The following UNC80 variants were observed in gnomAD, a reference collection of about 807,000 sequenced individuals.
UNC80 encodes unc-80 subunit of NALCN channel complex.
A neutral mutation model predicts 384.6 loss-of-function variants in UNC80; 164 were observed. The observed-to-expected ratio is 0.43, with a 90% confidence interval of 0.38 to 0.49. UNC80 has a LOEUF of 0.49. UNC80 is among the 20% of genes least tolerant of loss of function. The probability of loss-of-function intolerance (pLI) is 0.00; values close to 1 mark genes in which losing one functional copy is unlikely to be tolerated. For synonymous variants in UNC80, 1,486 were observed against 1,527.8 expected (o/e 0.97, Z 0.64); for missense variants, 3,330 against 4,143.0 (o/e 0.80, Z 5.39).
At chr2:209,989,315 A>G (rs568498146) in intron 61 of UNC80, among the ~76,000 whole-genome samples, 1 of 140,548 alleles carries the variant, frequency 7.1e-6, no homozygotes, top group African/African-American at 2.6e-5. Context: ...ACAGAGCAAG[A>G]CTCTGTCTCA....
chr2:209,844,779 A>C (rs2082058438), intron 21 of UNC80, among the ~76,000 whole-genome samples: 1 of 148,124 alleles, frequency 6.8e-6, no homozygotes, highest in South Asian at 2.4e-4. Flanking sequence ...TTTTTTGTAG[A>C]GATGGGGGTG....
chr2:209,945,924 G>C lies in UNC80; in HGVS notation c.7267G>C (p.Ala2423Pro). The C allele has an allele frequency of 6.4e-7, 1 of 1,551,550 alleles. No individual in the cohort carries two copies. Among genetic ancestry groups the C allele is most frequent in the Non-Finnish European group, 8.7e-7 (1 of 1,146,640 alleles). The change falls in exon 47 of 65, where the codon GCT (alanine) becomes CCT (proline). Residue 2423 changes from alanine to proline, a missense_variant. Physicochemically the swap from Ala to Pro is conservative, Grantham distance 27. Transcript: ENST00000673920. The stretch of plus-strand genomic sequence containing the variant: ...GCTCTGTGTCACTGTGGTGGCGTAT[G>C]CTCCCGAATCATTCAGAAGGTATCT... Reference protein sequence around the residue: ...IKLCVTVVAYAPESFRSLQML... With the variant: ...IKLCVTVVAYPPESFRSLQML...
intron 28 of UNC80, among the ~76,000 whole-genome samples, chr2:209,897,523 C>G (rs1010620623): frequency 3.3e-5 from 5 of 152,114 alleles, no homozygotes; most frequent in Non-Finnish European, 7.4e-5. Context: ...CTGGTCTACT[C>G]TTGGCTAGAC....
chr2:209,839,803 CAAT>C lies in UNC80; in HGVS notation c.3250+374_3250+376del, dbSNP rs1343212603. On this transcript the variant is annotated intron_variant, in intron 19 of 64. Coordinates refer to ENST00000673920, the MANE Select transcript of UNC80 (RefSeq NM_001371986.1). This position sits in a 1 kb window ranked among gnomAD's most constrained non-coding sequence, Gnocchi z 4.1. ...TACATAGTTCTACGAAAGCATGCAACAATGAGACCTGACCTGAATGTGGGGGAG... is the reference window on the plus strand; with the variant it reads ...TACATAGTTCTACGAAAGCATGCAACGAGACCTGACCTGAATGTGGGGGAG... Among the ~76,000 whole-genome samples the C allele has an allele frequency of 6.6e-6, 1 of 152,130 alleles. No homozygotes were observed. The highest frequency in any genetic ancestry group is 1.5e-5 in the Non-Finnish European group (1 of 68,040).
At chr2:209,776,113 C>T in intron 3 of UNC80, 68 bp downstream of exon 3, 1 of 1,589,840 alleles carries the variant, frequency 6.3e-7, no homozygotes, top group Non-Finnish European at 8.6e-7. Context: ...ATCATAATAA[C>T]CTGTACTGAG....
At chr2:209,886,551 T>C (rs2085825445) in intron 25 of UNC80, among the ~76,000 whole-genome samples, 1 of 152,184 alleles carries the variant, frequency 6.6e-6, no homozygotes, top group African/African-American at 2.4e-5. Flanking sequence ...AAGTAATTAC[T>C]TTCCTCGAGG....
At chr2:209,783,807 G>T (rs1347226841) in intron 4 of UNC80, among the ~76,000 whole-genome samples, 1 of 152,046 alleles carries the variant, frequency 6.6e-6, no homozygotes, top group Non-Finnish European at 1.5e-5. Flanking sequence ...GGTCAATTGA[G>T]GTTTGGCTTC....
chr2:209,942,479 T>C (rs1050646129), intron 44 of UNC80, among the ~76,000 whole-genome samples: 1 of 152,214 alleles, frequency 6.6e-6, no homozygotes, highest in African/African-American at 2.4e-5. Context: ...CAATTTTTAT[T>C]TACTCGTGTC....
At chr2:209,824,487 T>C (rs1040127371) in intron 13 of UNC80, among the ~76,000 whole-genome samples, 19 of 152,140 alleles carry the variant, frequency 1.2e-4, no homozygotes, top group Non-Finnish European at 2.5e-4. Context: ...GAGACCTTTT[T>C]AGCAAACACA....
intron 21 of UNC80, among the ~76,000 whole-genome samples, chr2:209,842,665 G>A (rs2081853000): frequency 6.6e-6 from 1 of 152,140 alleles, no homozygotes; most frequent in African/African-American, 2.4e-5. Context: ...TGGGCACTGG[G>A]TTTTCAAAGA....
At chr2:209,841,096 G>A (rs946959422) in intron 20 of UNC80, among the ~76,000 whole-genome samples, 10 of 152,086 alleles carry the variant, frequency 6.6e-5, no homozygotes, top group African/African-American at 2.4e-4. Flanking sequence ...AGAATCTCGG[G>A]ATGACCTTTT....
chr2:209,941,561 C>A, intron 44 of UNC80, 72 bp downstream of exon 44: 1 of 1,366,124 alleles, frequency 7.3e-7, no homozygotes, highest in South Asian at 1.8e-5. Context: ...TCAACTAGAT[C>A]TATACTGAAA....
chr2:209,939,832 C>T (rs1221127760), intron 43 of UNC80, among the ~76,000 whole-genome samples, 180 bp downstream of exon 43: 1 of 152,124 alleles, frequency 6.6e-6, no homozygotes, highest in South Asian at 2.1e-4. Flanking sequence ...CGTCATTTAG[C>T]ATTAGGTATA....
Position 209,813,739 on chromosome 2 carries a change from G to A in UNC80, c.1098G>A (p.Lys366=). ...LQRLRHMLEE[K]PEKPPEPDIP... is the part of the protein sequence containing the mutation. ...GGCTGCGACACATGTTGGAAGAGAA[G>A]CCAGAAAAGCCTCCGGAGCCAGATA... The change falls in exon 8 of 65, where the codon AAG becomes AAA. Residue 366 remains lysine (K), a synonymous_variant. Transcript: ENST00000673920. 1.3e-6 allele frequency: 2 copies of A among 1,551,818 alleles called. No homozygotes were observed. The highest frequency in any genetic ancestry group is 2.4e-5 in the South Asian group (2 of 84,060).
rs1438783434 is a variant in UNC80, at chr2:209,995,956, C to T, written c.*361C>T. 2.4e-5 allele frequency: 4 copies of T among 169,472 alleles called. No homozygotes were observed. The East Asian group carries it at 5.0e-4, about 21-fold the overall frequency. The allele number at this position is 169,472 out of a possible 1,614,324, so 10.5% of individuals were successfully genotyped here. A position where few individuals can be genotyped will look rare whatever the true frequency, so the allele number is the denominator to read the frequency against. ...AATGATATGATCTAAAAATAGAATG[C>T]AATTTTTTGAGATTACTCACATTAT... On this transcript the variant is annotated 3_prime_UTR_variant, in exon 65 of 65. Transcript: ENST00000673920.
chr2:209,878,118 C>A, intron 24 of UNC80, 29 bp downstream of exon 24: 1 of 1,496,622 alleles, frequency 6.7e-7, no homozygotes, highest in Non-Finnish European at 8.9e-7. Context: ...CTACAAGAAC[C>A]CCTGCTTGTA....
rs547559312 is a variant in UNC80 at position 209,786,277 on chromosome 2, A to C, written c.724+88A>C. Reference sequence around the variant, plus strand: ...GTGATGGGATAATTTGCCCCTAAGAAGTCAAAAAGAAGCAAATATCTACAT... The same window carrying C: ...GTGATGGGATAATTTGCCCCTAAGACGTCAAAAAGAAGCAAATATCTACAT... On this transcript the variant is annotated intron_variant, in intron 5 of 64. Coordinates refer to ENST00000673920, the MANE Select transcript of UNC80 (RefSeq NM_001371986.1). 3 of 1,470,744 alleles carry C rather than the reference A, an allele frequency of 2.0e-6. No homozygotes were observed. The South Asian group carries it at 4.4e-5, about 21-fold the overall frequency. The allele number at this position is 1,470,744 out of a possible 1,614,324, so 91.1% of individuals were successfully genotyped here. A position where few individuals can be genotyped will look rare whatever the true frequency, so the allele number is the denominator to read the frequency against.
chr2:209,928,604 G>A (rs1027328885), intron 36 of UNC80, among the ~76,000 whole-genome samples: 1 of 152,098 alleles, frequency 6.6e-6, no homozygotes, highest in African/African-American at 2.4e-5. Flanking sequence ...TTCAGTACCT[G>A]TATACAATGT....
rs984208950 is a variant in UNC80, at chr2:209,959,251, C to T, written c.7586+97C>T. 24 of 1,383,736 alleles carry T rather than the reference C, an allele frequency of 1.7e-5. No individual in the cohort carries two copies. In the East Asian group the frequency reaches 6.0e-4, roughly 35 times the overall value. 85.7% of individuals were successfully genotyped at this position (1,383,736 alleles called of 1,614,324 possible). ...TGGCTCTATTAGATTTCATTTGATG[C>T]ATAACATACTATTTCTGGGTAAACC... On this transcript the variant is annotated intron_variant, in intron 50 of 64. Transcript: ENST00000673920.
Sources: allele counts gnomAD v4.1 joint callset (sites outside exome capture counted in the v4.1 genomes callset), GRCh38; gene constraint gnomAD v4.1.1; non-coding constraint Gnocchi (gnomAD v3.1); transcripts MANE v1.5; gene names NCBI Gene and HGNC (gene_info 2026-07-23, HGNC 2026-07-21).